The following TENM3 variants were observed in gnomAD, a reference collection of about 807,000 sequenced individuals.
TENM3 encodes teneurin-3.
Under a neutral mutation model 255.1 loss-of-function variants are expected in TENM3, and 63 were observed. The ratio of observed to expected loss-of-function variants is 0.25; its 90% CI spans 0.20 to 0.30. The LOEUF is 0.30. TENM3 is among the 10% of genes least tolerant of loss of function. The probability of loss-of-function intolerance (pLI) is 1.00; values close to 1 mark genes in which losing one functional copy is unlikely to be tolerated. For missense variants in TENM3, 2,929 were observed against 3,461.1 expected (o/e 0.85, Z 3.86); for synonymous variants, 1,306 against 1,322.3 (o/e 0.99, Z 0.27).
At chr4:182,428,338 A>T (rs72997356) in intron 3 of TENM3, among the ~76,000 whole-genome samples, 4,726 of 152,216 alleles carry the variant, frequency 0.031, 238 homozygotes, top group African/African-American at 0.11. Flanking sequence ...CACTCAAGGA[A>T]GTGAGAGAGC....
At chr4:182,580,507 A>T (rs1460868782) in intron 3 of TENM3, among the ~76,000 whole-genome samples, 1 of 151,888 alleles carries the variant, frequency 6.6e-6, no homozygotes, top group Admixed American at 6.6e-5. Context: ...TTCAATCAGG[A>T]TGAAAACTAG....
intron 3 of TENM3, among the ~76,000 whole-genome samples, chr4:182,522,482 C>T (rs1009769679): frequency 6.6e-6 from 1 of 152,196 alleles, no homozygotes; most frequent in Admixed American, 6.5e-5. Flanking sequence ...ACAATGACCT[C>T]CACCTCCATC....
chr4:181,468,854 A>T, the TENM3 span, among the ~76,000 whole-genome samples: 1 of 152,164 alleles, frequency 6.6e-6, no homozygotes, highest in African/African-American at 2.4e-5. Flanking sequence ...TTTCCTCACA[A>T]ATACAGTTTC....
chr4:181,472,461 C>T, the TENM3 span, among the ~76,000 whole-genome samples: 2 of 149,740 alleles, frequency 1.3e-5, no homozygotes, highest in South Asian at 2.1e-4. Flanking sequence ...AAGGGTGGGC[C>T]CCCCAAAAGG....
At chr4:181,674,163 T>C in the TENM3 span, among the ~76,000 whole-genome samples, 1 of 151,856 alleles carries the variant, frequency 6.6e-6, no homozygotes, top group Non-Finnish European at 1.5e-5. Context: ...ACCCAACTAA[T>C]TTCTTTGTAG....
At chr4:181,496,864 A>G in the TENM3 span, among the ~76,000 whole-genome samples, 2 of 152,228 alleles carry the variant, frequency 1.3e-5, no homozygotes, top group Non-Finnish European at 2.9e-5. Context: ...GTATCTGGAT[A>G]ATCAAAGGTT....
intron 22 of TENM3, among the ~76,000 whole-genome samples, chr4:182,757,039 G>A (rs1034402326): frequency 1.1e-4 from 16 of 152,046 alleles, no homozygotes; most frequent in African/African-American, 3.6e-4. Flanking sequence ...GAGGCCGGGC[G>A]CGGTGGCTCA....
At chr4:181,736,618 G>A in the TENM3 span, among the ~76,000 whole-genome samples, 1 of 151,194 alleles carries the variant, frequency 6.6e-6, no homozygotes, top group Non-Finnish European at 1.5e-5. Context: ...TGTTTTCCAG[G>A]GCCACATAGC....
chr4:181,557,183 T>C, the TENM3 span, among the ~76,000 whole-genome samples: 1 of 152,180 alleles, frequency 6.6e-6, no homozygotes, highest in East Asian at 1.9e-4. Context: ...ATTTGCTTAA[T>C]AGAATAGGTA....
rs540555588 is a variant in TENM3, at chr4:182,731,983, A to G, written c.2967+844A>G. Among the ~76,000 whole-genome samples the G allele has an allele frequency of 2.5e-3, 384 of 151,750 alleles. 4 individuals are homozygous for G. Among genetic ancestry groups the G allele is most frequent in the East Asian group, 9.4e-3 (48 of 5,130 alleles). On this transcript the variant is annotated intron_variant, in intron 16 of 27. Coordinates refer to ENST00000511685, the MANE Select transcript of TENM3 (RefSeq NM_001080477.4). ...TTTTTAGTAGAGGCAGGGTTTCATC[A>G]TGTTGGCCAGGATGGTCTCCATCTC...
At chr4:181,769,351 A>G in the TENM3 span, among the ~76,000 whole-genome samples, 1 of 152,182 alleles carries the variant, frequency 6.6e-6, no homozygotes, top group East Asian at 1.9e-4. Flanking sequence ...AAACTTTAGA[A>G]TGACACAGCC....
intron 3 of TENM3, among the ~76,000 whole-genome samples, chr4:182,391,696 T>C (rs1350013873): frequency 6.6e-6 from 1 of 152,228 alleles, no homozygotes; most frequent in Non-Finnish European, 1.5e-5. Flanking sequence ...TATTTACTCT[T>C]TTTAGAGATG....
chr4:182,705,775 C>T (rs540601297), intron 12 of TENM3, among the ~76,000 whole-genome samples: 45 of 152,294 alleles, frequency 3.0e-4, no homozygotes, highest in Middle Eastern at 3.4e-3. Flanking sequence ...AGATATTTCT[C>T]GTCCAACATT....
chr4:182,696,509 G>A (rs1757429703), intron 12 of TENM3, among the ~76,000 whole-genome samples: 2 of 152,040 alleles, frequency 1.3e-5, no homozygotes, highest in South Asian at 2.1e-4. Flanking sequence ...GGTAGATCAC[G>A]AGGTCAGGAG....
the TENM3 span, among the ~76,000 whole-genome samples, chr4:181,987,780 A>G: frequency 6.6e-6 from 1 of 150,384 alleles, no homozygotes; most frequent in Non-Finnish European, 1.5e-5. Flanking sequence ...ATATATACAT[A>G]TAGAGAGAGA....
chr4:181,718,363 G>A, the TENM3 span, among the ~76,000 whole-genome samples: 1 of 152,128 alleles, frequency 6.6e-6, no homozygotes, highest in Non-Finnish European at 1.5e-5. Context: ...TAAGCAAAAT[G>A]TCCTATGAAA....
At chr4:182,339,283 G>A (rs972943204) in intron 2 of TENM3, among the ~76,000 whole-genome samples, 16 of 152,124 alleles carry the variant, frequency 1.1e-4, no homozygotes, top group Admixed American at 9.2e-4. Flanking sequence ...ATCCTTCTCA[G>A]TCACTATAAA....
chr4:182,151,173 A>G (rs1750321922), intron 1 of TENM3, among the ~76,000 whole-genome samples: 1 of 152,062 alleles, frequency 6.6e-6, no homozygotes, highest in East Asian at 1.9e-4. Flanking sequence ...AGGAGAGTTT[A>G]TGTTCTTGGA....
the TENM3 span, among the ~76,000 whole-genome samples, chr4:182,100,480 CA>C: frequency 7.2e-6 from 1 of 138,994 alleles, no homozygotes; most frequent in African/African-American, 2.7e-5. Context: ...CACACACACA[CA>C]CATATATATA....
Sources: gnomAD v4.1 joint callset for allele counts (sites outside exome capture counted in the v4.1 genomes callset) on GRCh38, gnomAD v4.1.1 for gene constraint, MANE v1.5 for transcripts, NCBI Gene and HGNC (gene_info 2026-07-23, HGNC 2026-07-21) for gene names.